The following MSN variants were observed in gnomAD, a reference collection of about 807,000 sequenced individuals.
MSN encodes epididymis luminal protein 70.
A neutral mutation model predicts 48.0 loss-of-function variants in MSN; 2 were observed. The ratio of observed to expected loss-of-function variants is 0.04; its 90% CI spans 0.02 to 0.13. The LOEUF is 0.13. Ranked by LOEUF, MSN falls within the 10% of genes least tolerant of loss-of-function variation. MSN has a pLI of 1.00. For missense variants in MSN, 267 were observed against 470.1 expected (o/e 0.57, Z 3.99); for synonymous variants, 146 against 166.9 (o/e 0.87, Z 0.97).
At chrX:65,629,791 C>T (rs913217151) in intron 1 of MSN, among the ~76,000 whole-genome samples, 1 of 112,073 alleles carries the variant, frequency 8.9e-6, no homozygotes, top group Non-Finnish European at 1.9e-5. Context: ...CCGGTCCCCA[C>T]CACAACTTGT....
At chrX:65,618,209 G>A (rs1034214993) in intron 1 of MSN, among the ~76,000 whole-genome samples, 2 of 111,745 alleles carry the variant, frequency 1.8e-5, no homozygotes, top group Non-Finnish European at 3.8e-5. Flanking sequence ...GAGTTCTTTA[G>A]ATGTCTATTA....
intron 2 of MSN, among the ~76,000 whole-genome samples, chrX:65,719,897 C>G (rs2071500731): frequency 9.0e-6 from 1 of 111,464 alleles, no homozygotes; most frequent in South Asian, 3.8e-4. Context: ...TTATTAACTT[C>G]AAAAAACCTC....
intron 1 of MSN, among the ~76,000 whole-genome samples, chrX:65,654,290 T>A (rs1222062148): frequency 9.3e-6 from 1 of 107,909 alleles, no homozygotes; most frequent in Non-Finnish European, 1.9e-5. Flanking sequence ...TTTATTTTTT[T>A]TTTGTATTTT....
chrX:65,677,282 G>T (rs1321953151), intron 1 of MSN, among the ~76,000 whole-genome samples: 1 of 112,160 alleles, frequency 8.9e-6, no homozygotes, highest in Non-Finnish European at 1.9e-5. Context: ...GGCATCATTA[G>T]TTAAGTCGTA....
At chrX:65,618,741 C>A (rs2070402031) in intron 1 of MSN, among the ~76,000 whole-genome samples, 1 of 109,879 alleles carries the variant, frequency 9.1e-6, no homozygotes, top group Non-Finnish European at 1.9e-5. Flanking sequence ...TGAATTTGAT[C>A]CTGTCATTAT....
intron 1 of MSN, among the ~76,000 whole-genome samples, chrX:65,591,240 G>A (rs1465323923): frequency 1.8e-5 from 2 of 111,450 alleles, no homozygotes; most frequent in Admixed American, 1.9e-4. Context: ...CTTCCTCTAT[G>A]GGGAGCTCTT....
intron 1 of MSN, among the ~76,000 whole-genome samples, chrX:65,610,299 C>T (rs1045017590): frequency 1.2e-4 from 13 of 112,175 alleles, no homozygotes; most frequent in Non-Finnish European, 1.5e-4. Context: ...TTCTAATCTA[C>T]TTTCTGTCTG....
At chrX:65,649,533 G>T (rs1280105507) in intron 1 of MSN, among the ~76,000 whole-genome samples, 1 of 101,492 alleles carries the variant, frequency 9.9e-6, no homozygotes, top group Non-Finnish European at 2.0e-5. Context: ...CCGAGATCAT[G>T]CCACTGTGCT....
chrX:65,740,656 T>C lies in MSN; in HGVS notation c.*763T>C, dbSNP rs1179058361. The stretch of plus-strand genomic sequence containing the variant: ...CCTACCCCAATTCCTTGTAGGAGTA[T>C]AGGCCGGTCTAAAGTGAGCTCTATG... On this transcript the variant is annotated 3_prime_UTR_variant, in exon 13 of 13. Coordinates refer to ENST00000360270, the MANE Select transcript of MSN (RefSeq NM_002444.3). 5.8e-6 allele frequency: 1 copy of C among 171,612 alleles called. No individual in the cohort carries two copies. The highest frequency in any genetic ancestry group is 3.0e-5 in the African/African-American group (1 of 33,475). The allele number at this position is 171,612 out of a possible 1,213,427, so 14.1% of individuals were successfully genotyped here. A position where few individuals can be genotyped will look rare whatever the true frequency, so the allele number is the denominator to read the frequency against.
intron 1 of MSN, among the ~76,000 whole-genome samples, chrX:65,713,894 C>G (rs1254344562): frequency 8.9e-6 from 1 of 111,870 alleles, no homozygotes; most frequent in Non-Finnish European, 1.9e-5. Context: ...ATTCTCGTGC[C>G]TCAGCCACCA....
chrX:65,695,393 G>A (rs949708319), intron 1 of MSN, among the ~76,000 whole-genome samples: 2 of 108,128 alleles, frequency 1.8e-5, no homozygotes, highest in African/African-American at 6.8e-5. Flanking sequence ...CCAGCTACTT[G>A]GGTTGCTGAG....
At chrX:65,666,557 G>C (rs2070872581), upstream of MSN, among the ~76,000 whole-genome samples, 1 of 110,821 alleles carries the variant, frequency 9.0e-6, no homozygotes. Context: ...GACCTCAGGT[G>C]ATCAGCCCGC....
intron 1 of MSN, among the ~76,000 whole-genome samples, chrX:65,682,027 G>A (rs2148390375): frequency 8.9e-6 from 1 of 111,881 alleles, no homozygotes; most frequent in East Asian, 2.8e-4. Context: ...ATGACCACAA[G>A]TGCCTGGGGA....
chrX:65,733,193 C>T lies in MSN; in HGVS notation c.708C>T (p.Pro236=), dbSNP rs768231873. Residue 236 remains proline (P), a synonymous_variant, in exon 7 of 13, where the codon CCC becomes CCT. Transcript: ENST00000360270. Reference sequence around the variant, plus strand: ...GTTTCTATTTCTACAGACTAACTCCCAAGATAGGCTTCCCCTGGAGTGAAA... The same window carrying T: ...GTTTCTATTTCTACAGACTAACTCCTAAGATAGGCTTCCCCTGGAGTGAAA... ...NIYEQNDRLT[P]KIGFPWSEIR... is the part of the protein sequence containing the mutation. 1.7e-6 allele frequency: 2 copies of T among 1,209,010 alleles called. No homozygotes were observed. The highest frequency in any genetic ancestry group is 4.3e-5 in the Admixed American group (2 of 46,010).
chrX:65,719,931 T>C (rs1473709964), intron 2 of MSN, among the ~76,000 whole-genome samples: 2 of 111,325 alleles, frequency 1.8e-5, no homozygotes. Context: ...TTTTTGTTAG[T>C]GTTGGTTTGG....
intron 1 of MSN, among the ~76,000 whole-genome samples, chrX:65,660,568 CTT>C (rs1294905291): frequency 1.4e-4 from 13 of 93,689 alleles, no homozygotes; most frequent in Admixed American, 2.4e-4. Flanking sequence ...TGTTCCAGTT[CTT>C]TTTTTTTTTT....
intron 1 of MSN, among the ~76,000 whole-genome samples, chrX:65,705,223 G>A (rs1392628110): frequency 8.9e-6 from 1 of 111,803 alleles, no homozygotes; most frequent in Non-Finnish European, 1.9e-5. Context: ...AGGTCTGACA[G>A]TTTGGGATTC....
chrX:65,605,251 A>G (rs1205691050), intron 1 of MSN, among the ~76,000 whole-genome samples: 1 of 112,898 alleles, frequency 8.9e-6, no homozygotes, highest in East Asian at 2.8e-4. Context: ...CTGCCAAAGA[A>G]ACATGGCACC....
intron 2 of MSN, among the ~76,000 whole-genome samples, chrX:65,726,296 A>G (rs1364216076): frequency 8.9e-6 from 1 of 111,839 alleles, no homozygotes; most frequent in East Asian, 2.8e-4. Flanking sequence ...AGGACATAGC[A>G]TGCTAGAGAA....
Sources: gnomAD v4.1 joint callset for allele counts (sites outside exome capture counted in the v4.1 genomes callset) on GRCh38, gnomAD v4.1.1 for gene constraint, MANE v1.5 for transcripts, NCBI Gene and HGNC (gene_info 2026-07-23, HGNC 2026-07-21) for gene names.